Variants in RIPOR3 observed in about 807,000 individuals in gnomAD.
RIPOR3 encodes the protein family with sequence similarity 65 member C.
In RIPOR3, 95 loss-of-function variants were observed where a neutral mutation model predicts 114.3. That is an observed-to-expected ratio of 0.83 (90% CI 0.70 to 0.99). The LOEUF is 0.99. Among genes scored for constraint, RIPOR3 ranks in the 50% least tolerant of loss-of-function variants. The pLI is 0.00. For missense variants in RIPOR3, 1,252 were observed against 1,266.9 expected (o/e 0.99, Z 0.18); for synonymous variants, 575 against 543.8 (o/e 1.06, Z -0.80).
At chr20:50,622,462 G>A (rs149830562) in intron 2 of RIPOR3, among the ~76,000 whole-genome samples, 164 of 152,284 alleles carry the variant, frequency 1.1e-3, no homozygotes, top group African/African-American at 3.8e-3. Flanking sequence ...GATTACAGGT[G>A]TGAGCCACCG....
chr20:50,615,924 G>C (rs1448568888), intron 4 of RIPOR3, 78 bp downstream of exon 4: 8 of 1,370,602 alleles, frequency 5.8e-6, no homozygotes, highest in African/African-American at 2.9e-5. Context: ...CGTGACATAG[G>C]CTAGAAGGAA....
intron 1 of RIPOR3, among the ~76,000 whole-genome samples, chr20:50,650,823 G>A (rs1430069696): frequency 3.9e-5 from 6 of 152,104 alleles, no homozygotes; most frequent in Non-Finnish European, 8.8e-5. Flanking sequence ...TCTCTAACCC[G>A]TAATACTCAC....
intron 1 of RIPOR3, among the ~76,000 whole-genome samples, chr20:50,685,544 C>G (rs1166603108): frequency 6.6e-6 from 1 of 151,482 alleles, no homozygotes; most frequent in Non-Finnish European, 1.5e-5. Context: ...AAAAAATAGG[C>G]TGGGCACGGT....
At chr20:50,657,539 GAGAA>G (rs1028698544) in intron 1 of RIPOR3, among the ~76,000 whole-genome samples, 29 of 152,108 alleles carry the variant, frequency 1.9e-4, no homozygotes, top group Middle Eastern at 3.4e-3. Flanking sequence ...AAAAAAAAGA[GAGAA>G]AGAGAGAGAG....
chr20:50,605,718 C>T (rs532182980), intron 11 of RIPOR3, among the ~76,000 whole-genome samples: 1 of 150,758 alleles, frequency 6.6e-6, no homozygotes, highest in South Asian at 2.1e-4. Flanking sequence ...GTGGAGGCTG[C>T]AGTGAGCCGA....
intron 1 of RIPOR3, chr20:50,636,526 C>T (rs1480499821): frequency 1.0e-6 from 1 of 983,426 alleles, no homozygotes; most frequent in Non-Finnish European, 1.2e-6. Flanking sequence ...AGTGCAGAGA[C>T]CCTGCTGGGC....
At chr20:50,676,655 A>C (rs2086686542) in intron 1 of RIPOR3, among the ~76,000 whole-genome samples, 1 of 151,630 alleles carries the variant, frequency 6.6e-6, no homozygotes, top group African/African-American at 2.4e-5. Context: ...CAGTCTCAAA[A>C]CAAAATAAAA....
At chr20:50,611,276 T>G (rs2083969900) in intron 4 of RIPOR3, 72 bp from the exon 5 acceptor site, 1 of 1,602,220 alleles carries the variant, frequency 6.2e-7, no homozygotes, top group African/African-American at 1.3e-5. Context: ...TATGAGGCTC[T>G]ATGCTGGCGG....
chr20:50,644,819 C>A (rs1302887021), intron 1 of RIPOR3, among the ~76,000 whole-genome samples: 3 of 146,770 alleles, frequency 2.0e-5, no homozygotes, highest in African/African-American at 7.7e-5. Flanking sequence ...CTGCACCCAG[C>A]CCTTTTATTT....
At chr20:50,600,762 GA>G (rs1224624595) in intron 13 of RIPOR3, among the ~76,000 whole-genome samples, 6 of 152,064 alleles carry the variant, frequency 3.9e-5, no homozygotes, top group African/African-American at 1.4e-4. Flanking sequence ...CCTGTCTCCA[GA>G]AAAATGAAAA....
chr20:50,627,633 A>C (rs567980161), intron 2 of RIPOR3, among the ~76,000 whole-genome samples: 40 of 152,198 alleles, frequency 2.6e-4, no homozygotes, highest in Admixed American at 2.4e-3. Flanking sequence ...CAGTGAGCCA[A>C]GATCGCGCCA....
chr20:50,644,667 T>C (rs1484501666), intron 1 of RIPOR3, among the ~76,000 whole-genome samples: 2 of 143,462 alleles, frequency 1.4e-5, no homozygotes, highest in Admixed American at 7.3e-5. Flanking sequence ...TTTTGTTTTT[T>C]TTTGTTTGCT....
At position 50,609,690 on chromosome 20, in the gene RIPOR3, C is replaced by T; in HGVS notation, c.459G>A (p.Gln153=). ...TGGAGGCGCCGTCGCGCAGGCGGCA[C>T]TGGATGCAGTAGTCCTCGTACAGCT... is the stretch of plus-strand genomic sequence containing the variant. The part of the protein sequence containing the change: ...VDELYEDYCI[Q]CRLRDGASSM... Residue 153 remains glutamine, a synonymous_variant, in exon 7 of 22, where the codon CAG becomes CAA. Transcript: ENST00000327979. The T allele has an allele frequency of 7.2e-7, 1 of 1,394,198 alleles. No homozygotes were observed. The highest frequency in any genetic ancestry group is 2.9e-5 in the East Asian group (1 of 35,052). 86.4% of individuals were successfully genotyped at this position (1,394,198 alleles called of 1,614,324 possible). A position where few individuals can be genotyped will look rare whatever the true frequency, so the allele number is the denominator to read the frequency against.
chr20:50,621,831 A>C (rs574505431), intron 2 of RIPOR3, among the ~76,000 whole-genome samples: 2 of 152,280 alleles, frequency 1.3e-5, no homozygotes, highest in South Asian at 4.2e-4. Flanking sequence ...TGGAGTTGGG[A>C]GTGTGGACTG....
chr20:50,673,257 T>C (rs1041718301), intron 1 of RIPOR3, among the ~76,000 whole-genome samples: 1 of 152,018 alleles, frequency 6.6e-6, no homozygotes, highest in African/African-American at 2.4e-5. Context: ...GCCCATGCAA[T>C]ACCCACAGAC....
intron 1 of RIPOR3, among the ~76,000 whole-genome samples, chr20:50,655,308 G>A (rs2085769824): frequency 6.6e-6 from 1 of 152,160 alleles, no homozygotes; most frequent in Non-Finnish European, 1.5e-5. Context: ...CAGAAGTTGT[G>A]GGGAGCTGAG....
intron 1 of RIPOR3, among the ~76,000 whole-genome samples, chr20:50,642,182 G>A (rs748113254): frequency 6.6e-6 from 1 of 152,056 alleles, no homozygotes; most frequent in Non-Finnish European, 1.5e-5. Flanking sequence ...AGGTTTACCG[G>A]CTTCCCAATC....
At chr20:50,603,909 C>T (rs558215268) in intron 12 of RIPOR3, among the ~76,000 whole-genome samples, 28 of 152,272 alleles carry the variant, frequency 1.8e-4, no homozygotes, top group Non-Finnish European at 3.4e-4. Context: ...GGGCTGGGCA[C>T]GGTGGCTCAT....
chr20:50,633,233 G>A (rs556546057), intron 1 of RIPOR3, among the ~76,000 whole-genome samples: 2 of 152,162 alleles, frequency 1.3e-5, no homozygotes, highest in African/African-American at 2.4e-5. Context: ...CTGCACTCCA[G>A]CCTGGGCAAC....
Sources: gnomAD v4.1 joint callset for allele counts (sites outside exome capture counted in the v4.1 genomes callset) on GRCh38, gnomAD v4.1.1 for gene constraint, MANE v1.5 for transcripts, NCBI Gene and HGNC (gene_info 2026-07-23, HGNC 2026-07-21) for gene names.